Variants in EIF4ENIF1 observed in about 807,000 individuals in gnomAD.
The protein encoded by EIF4ENIF1 is eukaryotic translation initiation factor 4E nuclear import factor 1.
EIF4ENIF1 carries 23 observed loss-of-function variants against 110.5 expected under a neutral mutation model. The ratio of observed to expected loss-of-function variants is 0.21; its 90% confidence interval spans 0.15 to 0.29. EIF4ENIF1 has a LOEUF of 0.29. EIF4ENIF1 is among the 10% of genes least tolerant of loss of function. The probability of loss-of-function intolerance (pLI) is 1.00; values close to 1 mark genes in which losing one functional copy is unlikely to be tolerated. For missense variants in EIF4ENIF1, 1,031 were observed against 1,221.1 expected (o/e 0.84, Z 2.32); for synonymous variants, 440 against 437.0 (o/e 1.01, Z -0.09).
chr22:31,466,581 C>CA (rs1249361860), intron 4 of EIF4ENIF1, among the ~76,000 whole-genome samples: 4 of 131,576 alleles, frequency 3.0e-5, no homozygotes, highest in Non-Finnish European at 6.1e-5. Context: ...GACTCTGTCT[C>CA]AAAAAAACAA....
At chr22:31,470,400 C>T (rs1163245116) in intron 3 of EIF4ENIF1, among the ~76,000 whole-genome samples, 1 of 151,680 alleles carries the variant, frequency 6.6e-6, no homozygotes, top group African/African-American at 2.4e-5. Flanking sequence ...CCTGCCTCAG[C>T]CTCCCGAGTA....
At chr22:31,445,049 T>C (rs2050419338) in intron 14 of EIF4ENIF1, among the ~76,000 whole-genome samples, 1 of 152,168 alleles carries the variant, frequency 6.6e-6, no homozygotes, top group South Asian at 2.1e-4. Context: ...AGAAGCTGCA[T>C]TCCATTGGGT....
At chr22:31,458,747 CAT>C (rs758134914) in intron 6 of EIF4ENIF1, 97 bp from the exon 7 acceptor site, 33 of 1,164,568 alleles carry the variant, frequency 2.8e-5, no homozygotes, top group South Asian at 6.4e-5. Flanking sequence ...AAGAGCCACA[CAT>C]GACTTAAAAA....
At position 31,449,318 on chromosome 22, in the gene EIF4ENIF1, A is replaced by G. The variant is rs200912995; in HGVS notation, c.1768+30T>C. On this transcript the variant is annotated intron_variant, in intron 12 of 18. Transcript: ENST00000330125. ...AGCTACCGTGCCTGGCCATAAATTC[A>G]TATTTCTTTTGACAAATAAGTATAT... is the stretch of plus-strand genomic sequence containing the variant. The G allele has an allele frequency of 5.0e-6, 8 of 1,606,094 alleles. No individual in the cohort carries two copies. The African/African-American group carries it at 5.4e-5, about 11-fold the overall frequency.
At chr22:31,473,296 G>A (rs1289415670) in intron 2 of EIF4ENIF1, among the ~76,000 whole-genome samples, 1 of 152,012 alleles carries the variant, frequency 6.6e-6, no homozygotes, top group Non-Finnish European at 1.5e-5. Context: ...CACATATAAC[G>A]GATGCCTCAG....
chr22:31,451,760 C>T (rs1008869950), intron 10 of EIF4ENIF1, among the ~76,000 whole-genome samples: 4 of 151,538 alleles, frequency 2.6e-5, no homozygotes, highest in South Asian at 2.1e-4. Context: ...CCACGTAGCT[C>T]GAACTATAGG....
At chr22:31,447,123 T>G (rs1044438492) in intron 14 of EIF4ENIF1, 1 of 395,632 alleles carries the variant, frequency 2.5e-6, no homozygotes, top group African/African-American at 2.1e-5. Context: ...TCTTGTGAGG[T>G]AAATTAGGCG....
chr22:31,446,648 ATT>A (rs1421483259), intron 14 of EIF4ENIF1, among the ~76,000 whole-genome samples: 1 of 152,208 alleles, frequency 6.6e-6, no homozygotes, highest in Non-Finnish European at 1.5e-5. Flanking sequence ...TAAGGTAGTG[ATT>A]ACTTTTAAAG....
intron 2 of EIF4ENIF1, among the ~76,000 whole-genome samples, chr22:31,482,691 CA>C (rs200160058): frequency 2.1e-5 from 3 of 144,668 alleles, no homozygotes; most frequent in Non-Finnish European, 4.6e-5. Context: ...CAAAAACAAA[CA>C]AAAAAAAACA....
intron 6 of EIF4ENIF1, among the ~76,000 whole-genome samples, chr22:31,459,372 C>G (rs2145970747): frequency 6.6e-6 from 1 of 152,286 alleles, no homozygotes; most frequent in South Asian, 2.1e-4. Flanking sequence ...GCTCAGCAAC[C>G]TAAGGTATTT....
At chr22:31,450,844 T>C (rs1163858899) in intron 10 of EIF4ENIF1, 6,360 of 120,774 alleles carry the variant, frequency 0.053, 167 homozygotes, top group African/African-American at 0.082. Context: ...ATATATATAC[T>C]ACACACACAC....
downstream of EIF4ENIF1, among the ~76,000 whole-genome samples, chr22:31,439,137 T>TAAGA (rs369674391): frequency 2.0e-5 from 3 of 152,290 alleles, no homozygotes; most frequent in East Asian, 3.9e-4. Context: ...GGCTACATGG[T>TAAGA]AAGACCCTGC....
Position 31,446,285 on chromosome 22 carries a change from C to CAAAAAAAAAAA in EIF4ENIF1, c.1988+1130_1988+1140dup, listed in dbSNP as rs3068275. Reference sequence around the variant, plus strand: ...GGGCAACAGATCAAGAGATTGTCTCCAAAAAAAAAAAAAAGTTAAAAGTAC... The same window carrying CAAAAAAAAAAA: ...GGGCAACAGATCAAGAGATTGTCTCCAAAAAAAAAAAAAAAAAAAAAAAAAGTTAAAAGTAC... On this transcript the variant is annotated intron_variant, in intron 14 of 18. Transcript: ENST00000330125. Among the ~76,000 whole-genome samples the CAAAAAAAAAAA allele has an allele frequency of 4.0e-4, 42 of 105,650 alleles. 1 individual carries two copies. Among genetic ancestry groups the CAAAAAAAAAAA allele is most frequent in the South Asian group, 2.7e-3 (7 of 2,608 alleles). 69.3% of individuals were successfully genotyped at this position (105,650 alleles called of 152,430 possible).
intron 10 of EIF4ENIF1, 25 bp downstream of exon 10, chr22:31,454,119 T>TG (rs1182110636): frequency 1.3e-6 from 2 of 1,586,676 alleles, no homozygotes; most frequent in Non-Finnish European, 8.6e-7. Flanking sequence ...GAGAAAAGGG[T>TG]GGGGGGTTTG....
In EIF4ENIF1 at chr22:31,450,354, G is replaced by A. The variant is rs1444814349; in HGVS notation, c.1519C>T (p.Leu507Phe). The change falls in exon 11 of 19, where the codon CTT becomes TTT. Residue 507 changes from leucine (L) to phenylalanine (F), a missense_variant. Around this residue, in one of 3 missense-constraint regions of EIF4ENIF1, gnomAD observed 704 missense variants for 879.7 expected, o/e 0.80. Transcript: ENST00000330125. Reference protein sequence around the residue: ...LPSQPKVSRNLESHLMSPAEI... With the variant: ...LPSQPKVSRNFESHLMSPAEI... The stretch of plus-strand genomic sequence containing the variant: ...GCAGGGGACATCAAATGGCTTTCAA[G>A]GTTTCGCTAAAAGAGTCAAAAGAAA... The A allele has an allele frequency of 4.3e-6, 7 of 1,613,058 alleles. No individual in the cohort carries two copies. The African/African-American group carries it at 8.0e-5, about 18-fold the overall frequency.
intron 9 of EIF4ENIF1, 125 bp from the exon 10 acceptor site, chr22:31,454,501 AGACT>A (rs761966516): frequency 3.2e-5 from 25 of 773,094 alleles, no homozygotes; most frequent in Non-Finnish European, 4.7e-5. Context: ...CTGTCAGAAA[AGACT>A]GACACCAAAA....
chr22:31,444,544 T>A, intron 15 of EIF4ENIF1, 62 bp downstream of exon 15: 1 of 1,501,940 alleles, frequency 6.7e-7, no homozygotes, highest in South Asian at 1.1e-5. Flanking sequence ...AGTGGTACAA[T>A]CCATGCACAA....
chr22:31,484,670 C>T (rs1032518017), intron 2 of EIF4ENIF1, among the ~76,000 whole-genome samples: 3 of 152,168 alleles, frequency 2.0e-5, no homozygotes, highest in Non-Finnish European at 4.4e-5. Flanking sequence ...CCTGTCACTA[C>T]TAAAAAGACA....
At chr22:31,468,376 T>C in intron 3 of EIF4ENIF1, 74 bp from the exon 4 acceptor site, 1 of 1,590,198 alleles carries the variant, frequency 6.3e-7, no homozygotes, top group South Asian at 1.1e-5. Flanking sequence ...CTAAACCTCC[T>C]CAGCTAATAG....
Sources: gnomAD v4.1 joint callset for allele counts (sites outside exome capture counted in the v4.1 genomes callset) on GRCh38, gnomAD v4.1.1 for gene constraint, gnomAD v4.1.1 regional missense constraint, MANE v1.5 for transcripts, NCBI Gene and HGNC (gene_info 2026-07-23, HGNC 2026-07-21) for gene names.